The following LRRC7 variants were observed in gnomAD, a reference collection of about 807,000 sequenced individuals.
LRRC7 encodes leucine rich repeat containing 7.
A neutral mutation model predicts 175.7 loss-of-function variants in LRRC7; 23 were observed. The ratio of observed to expected loss-of-function variants is 0.13; its 90% CI spans 0.09 to 0.19. The LOEUF is 0.19. Ranked by LOEUF, LRRC7 falls within the 10% of genes least tolerant of loss-of-function variation. The pLI, the probability that LRRC7 is intolerant of heterozygous loss-of-function variation, is 1.00. For synonymous variants in LRRC7, 685 were observed against 680.9 expected, an observed-to-expected ratio of 1.01 and a Z score of -0.09; for missense variants, 1,354 against 1,904.7, an observed-to-expected ratio of 0.71 and a Z score of 5.38.
intron 2 of LRRC7, among the ~76,000 whole-genome samples, chr1:69,732,847 C>T (rs891372550): frequency 1.3e-5 from 2 of 151,992 alleles, no homozygotes; most frequent in Non-Finnish European, 2.9e-5. Flanking sequence ...ACCACTTTAA[C>T]ACCATAGATA....
At chr1:69,893,031 A>G (rs1645881078) in intron 7 of LRRC7, among the ~76,000 whole-genome samples, 1 of 152,194 alleles carries the variant, frequency 6.6e-6, no homozygotes, top group South Asian at 2.1e-4. Flanking sequence ...TGTTACAAGA[A>G]TTGCTTATTC....
At position 70,138,752 on chromosome 1, in the gene LRRC7, G is replaced by T. The variant is rs914618364; in HGVS notation, c.*16865G>T. On this transcript the variant is annotated 3_prime_UTR_variant, in exon 27 of 27. Transcript: ENST00000651989. ...GTAGTATCTGGTGGCCTTTCTGTGT[G>T]GAGGAGCTCGTTTGTCCAAGGTATG... 4 of 152,180 alleles carry T rather than the reference G, an allele frequency of 2.6e-5. No homozygotes were observed. The highest frequency in any genetic ancestry group is 2.9e-5 in the Non-Finnish European group (2 of 68,032). 9.4% of individuals were successfully genotyped at this position (152,180 alleles called of 1,614,324 possible).
At chr1:69,832,541 A>G (rs763867751) in intron 5 of LRRC7, among the ~76,000 whole-genome samples, 1 of 152,170 alleles carries the variant, frequency 6.6e-6, no homozygotes, top group Middle Eastern at 3.2e-3. Flanking sequence ...TTCCTAACTA[A>G]TCAGCGAAAT....
chr1:69,801,454 G>A (rs1473362029), intron 4 of LRRC7, among the ~76,000 whole-genome samples: 1 of 151,696 alleles, frequency 6.6e-6, no homozygotes, highest in Admixed American at 6.6e-5. Flanking sequence ...GAGGTTGTAT[G>A]TTTCTAGGAA....
chr1:69,597,066 T>C (rs1012286374), intron 1 of LRRC7, among the ~76,000 whole-genome samples: 5 of 152,232 alleles, frequency 3.3e-5, no homozygotes, highest in South Asian at 2.1e-4. Context: ...TTTCCAAGTT[T>C]CCATTTTCTA....
intron 8 of LRRC7, among the ~76,000 whole-genome samples, chr1:69,934,186 CT>C (rs1242067049): frequency 6.6e-6 from 1 of 152,094 alleles, no homozygotes; most frequent in Non-Finnish European, 1.5e-5. Context: ...TATTCTGTAG[CT>C]AGATATTGAC....
intron 7 of LRRC7, among the ~76,000 whole-genome samples, chr1:69,901,947 T>C (rs529748565): frequency 2.0e-5 from 3 of 152,252 alleles, no homozygotes; most frequent in Admixed American, 6.5e-5. Flanking sequence ...CTGGGTATCA[T>C]GATTCCCAAC....
intron 1 of LRRC7, among the ~76,000 whole-genome samples, chr1:69,660,716 G>T (rs1377616041): frequency 2.0e-5 from 3 of 152,058 alleles, no homozygotes; most frequent in Admixed American, 6.6e-5. Flanking sequence ...ATTAGAAGGG[G>T]AAATAAAAGA....
intron 7 of LRRC7, among the ~76,000 whole-genome samples, chr1:69,928,353 T>C (rs943311923): frequency 2.0e-5 from 3 of 152,210 alleles, no homozygotes; most frequent in Admixed American, 1.3e-4. Context: ...GACAGGGACG[T>C]TTAAGTCTGC....
At chr1:69,686,296 C>T (rs1422889515) in intron 2 of LRRC7, among the ~76,000 whole-genome samples, 1 of 152,092 alleles carries the variant, frequency 6.6e-6, no homozygotes, top group African/African-American at 2.4e-5. Flanking sequence ...CAAAAGAAGA[C>T]TTGTACCTTC....
At chr1:69,637,071 C>A (rs927730330) in intron 1 of LRRC7, among the ~76,000 whole-genome samples, 7 of 112,756 alleles carry the variant, frequency 6.2e-5, no homozygotes, top group African/African-American at 1.9e-4. Context: ...CGCCTTCACC[C>A]TTCTCTCTTT....
intron 7 of LRRC7, among the ~76,000 whole-genome samples, chr1:69,860,800 A>C (rs1180364799): frequency 6.6e-6 from 1 of 152,110 alleles, no homozygotes; most frequent in African/African-American, 2.4e-5. Context: ...GATTTGAATA[A>C]ATGAAAAGAC....
intron 2 of LRRC7, among the ~76,000 whole-genome samples, chr1:69,723,043 C>A (rs1159572474): frequency 6.6e-6 from 1 of 151,888 alleles, no homozygotes; most frequent in Non-Finnish European, 1.5e-5. Flanking sequence ...TAAAAGACAT[C>A]TTTTGTTTTT....
intron 7 of LRRC7, among the ~76,000 whole-genome samples, chr1:69,845,552 A>C (rs772717207): frequency 6.6e-6 from 1 of 151,954 alleles, no homozygotes; most frequent in Non-Finnish European, 1.5e-5. Context: ...TTTGTTATCT[A>C]GTTTACTACC....
At chr1:69,925,565 T>A (rs1455616000) in intron 7 of LRRC7, among the ~76,000 whole-genome samples, 1 of 152,134 alleles carries the variant, frequency 6.6e-6, no homozygotes, top group Admixed American at 6.6e-5. Flanking sequence ...CCATTTCTTC[T>A]AGATTTTCTA....
chr1:70,092,628 AC>A (rs1664113185), intron 25 of LRRC7, among the ~76,000 whole-genome samples: 1 of 152,082 alleles, frequency 6.6e-6, no homozygotes, highest in Non-Finnish European at 1.5e-5. Flanking sequence ...AGCATCCAAA[AC>A]GATTACAGCC....
chr1:69,642,811 C>CATAGATAGATAGATAG lies in LRRC7; in HGVS notation c.3-35539_3-35524dup, dbSNP rs142950544. Among the ~76,000 whole-genome samples, 426 of 147,294 alleles carry CATAGATAGATAGATAG rather than the reference C, an allele frequency of 2.9e-3. 1 individual carries two copies. The highest frequency in any genetic ancestry group is 7.1e-3 in the Middle Eastern group (2 of 282). On this transcript the variant is annotated intron_variant, in intron 1 of 26. Coordinates refer to ENST00000651989, the MANE Select transcript of LRRC7 (RefSeq NM_001370785.2). ...GAAACAGAACTAATGACAGATGATA[C>CATAGATAGATAGATAG]ATAGATAGATAGATAGATAGATAGA...
chr1:69,882,692 C>T (rs534154724), intron 7 of LRRC7, among the ~76,000 whole-genome samples: 2 of 150,726 alleles, frequency 1.3e-5, no homozygotes, highest in South Asian at 2.1e-4. Flanking sequence ...TATACATGTG[C>T]CATGCTGGTG....
rs1055285736 is a variant in LRRC7 at position 69,630,484 on chromosome 1, T to G, written c.3-47897T>G. 3.3e-5 allele frequency among the ~76,000 whole-genome samples: 5 copies of G among 152,268 alleles called. No individual in the cohort carries two copies. The South Asian group carries it at 6.2e-4, about 19-fold the overall frequency. Reference sequence around the variant, plus strand: ...CATCTACAGTCCAGTTTACCTATACTTGCTACCTTTATTTTGTTATTAGTA... The same window carrying G: ...CATCTACAGTCCAGTTTACCTATACGTGCTACCTTTATTTTGTTATTAGTA... On this transcript the variant is annotated intron_variant, in intron 1 of 26. Coordinates refer to ENST00000651989, the MANE Select transcript of LRRC7 (RefSeq NM_001370785.2).
Sources: gnomAD v4.1 joint callset for allele counts (sites outside exome capture counted in the v4.1 genomes callset) on GRCh38, gnomAD v4.1.1 for gene constraint, MANE v1.5 for transcripts, NCBI Gene and HGNC (gene_info 2026-07-23, HGNC 2026-07-21) for gene names.